Variants in SLC30A9 observed in about 807,000 individuals in gnomAD.
SLC30A9 encodes the protein proton-coupled zinc antiporter SLC30A9, mitochondrial.
SLC30A9 carries 58 observed loss-of-function variants against 87.5 expected under a neutral mutation model. The observed-to-expected ratio is 0.66, with a 90% CI of 0.54 to 0.82. SLC30A9 has a LOEUF of 0.82. Among genes scored for constraint, SLC30A9 ranks in the 40% least tolerant of loss-of-function variants. The pLI is 0.00. For missense variants in SLC30A9, 557 were observed against 679.1 expected (o/e 0.82, Z 2.00); for synonymous variants, 234 against 233.0 (o/e 1.00, Z -0.04).
Position 42,067,138 on chromosome 4 carries a change from G to A in SLC30A9, c.1198G>A (p.Ala400Thr), listed in dbSNP as rs1718111233. The change falls in exon 14 of 18, where the codon GCA (alanine) becomes ACA (threonine). Residue 400 changes from alanine to threonine, a missense_variant. Around this residue, in one of 2 missense-constraint regions of SLC30A9, gnomAD observed 467 missense variants for 529.8 expected, o/e 0.88. Transcript: ENST00000264451. Reference sequence around the variant, plus strand: ...TGTGATATTATTGGAGGATACTGCTGCAGTCTTGGGAGTTATAATAGCAGC... The same window carrying A: ...TGTGATATTATTGGAGGATACTGCTACAGTCTTGGGAGTTATAATAGCAGC... ...TNVILLEDTAAVLGVIIAATC... is the reference protein window; with the variant it reads ...TNVILLEDTATVLGVIIAATC... The A allele has an allele frequency of 6.2e-7, 1 of 1,612,874 alleles. No individual in the cohort carries two copies. The highest frequency in any genetic ancestry group is 8.5e-7 in the Non-Finnish European group (1 of 1,179,088).
rs181850203 is a variant in SLC30A9, at chr4:42,047,879, A to G, written c.738-1498A>G. Among the ~76,000 whole-genome samples the G allele has an allele frequency of 4.5e-3, 678 of 152,334 alleles. 1 individual carries two copies. Among genetic ancestry groups the G allele is most frequent in the Middle Eastern group, 0.017 (5 of 294 alleles). On this transcript the variant is annotated intron_variant, in intron 8 of 17. Coordinates refer to ENST00000264451, the MANE Select transcript of SLC30A9 (RefSeq NM_006345.4). Reference sequence around the variant, plus strand: ...AAAGAAAATGTGGCACATATACACCATGGGATAATATGCAGCCATAAAAAA... The same window carrying G: ...AAAGAAAATGTGGCACATATACACCGTGGGATAATATGCAGCCATAAAAAA...
At chr4:42,010,341 G>A (rs905296767) in intron 2 of SLC30A9, among the ~76,000 whole-genome samples, 13 of 152,114 alleles carry the variant, frequency 8.5e-5, no homozygotes, top group Non-Finnish European at 1.6e-4. Context: ...TCCAGGTGTG[G>A]TGGCATGTGC....
At chr4:42,070,843 T>G (rs6823291) in intron 15 of SLC30A9, 152 bp downstream of exon 15, 509,673 of 521,984 alleles carry the variant, frequency 0.98, 248,887 homozygotes, top group East Asian at 0.99. Context: ...ATCCTGGAAG[T>G]AAGAAAGAAT....
Position 42,001,662 on chromosome 4 carries a change from C to T in SLC30A9, c.156C>T (p.Pro52=). The T allele has an allele frequency of 4.4e-6, 7 of 1,605,858 alleles. No individual in the cohort carries two copies. The highest frequency in any genetic ancestry group is 6.0e-6 in the Non-Finnish European group (7 of 1,173,502). Residue 52 remains proline, a synonymous_variant, in exon 2 of 18, where the codon CCC becomes CCT. Transcript: ENST00000264451. ...TTGGAAGCTTTTCAAACATGGTTCC[C>T]TGTAGTCATCCATATATTGGTACCC... ...VTFGSFSNMV[P]CSHPYIGTLS...
intron 7 of SLC30A9, among the ~76,000 whole-genome samples, chr4:42,037,273 T>G (rs1001474579): frequency 1.9e-5 from 2 of 103,748 alleles, no homozygotes; most frequent in Non-Finnish European, 3.8e-5. Context: ...TTTTTTTTTT[T>G]GTTATTTCTG....
chr4:42,043,681 A>G (rs1039342000), intron 8 of SLC30A9, among the ~76,000 whole-genome samples: 2 of 152,206 alleles, frequency 1.3e-5, no homozygotes, highest in Non-Finnish European at 2.9e-5. Context: ...CCAACCTAGC[A>G]AGACAGGCTA....
At chr4:41,990,841 A>G (rs930569075) in intron 1 of SLC30A9, 81 bp downstream of exon 1, 17 of 1,000,708 alleles carry the variant, frequency 1.7e-5, no homozygotes, top group African/African-American at 9.6e-5. Flanking sequence ...GCCTGGGGCA[A>G]TTCGCCCACT....
In SLC30A9 at chr4:42,017,359, CCTTT is replaced by C. The variant is rs1167885278; in HGVS notation, c.275-747_275-744del. On this transcript the variant is annotated intron_variant, in intron 2 of 17. Coordinates refer to ENST00000264451, the MANE Select transcript of SLC30A9 (RefSeq NM_006345.4). The stretch of plus-strand genomic sequence containing the variant: ...GGAAATATCTTCTCTCAGTTTGCGG[CCTTT>C]CTTTTTTCTCTGTTTTTTTTTTTTT... Among the ~76,000 whole-genome samples, 6 of 119,702 alleles carry C rather than the reference CCTTT, an allele frequency of 5.0e-5. No individual in the cohort carries two copies. In the South Asian group the frequency reaches 1.6e-3, roughly 32 times the overall value. 78.5% of individuals were successfully genotyped at this position (119,702 alleles called of 152,430 possible). A position where few individuals can be genotyped will look rare whatever the true frequency, so the allele number is the denominator to read the frequency against.
In SLC30A9 at chr4:42,036,970, C is replaced by T. The variant is rs77897885; in HGVS notation, c.669+1637C>T. Among the ~76,000 whole-genome samples, 873 of 152,282 alleles carry T rather than the reference C, an allele frequency of 5.7e-3. 3 individuals are homozygous for T. The highest frequency in any genetic ancestry group is 0.02 in the African/African-American group (836 of 41,566). ...TGTTTCACATGGAGAATCATCCTCA[C>T]CAGATTTTCTAATAGTAGCTGTTGA... On this transcript the variant is annotated intron_variant, in intron 7 of 17. Coordinates refer to ENST00000264451, the MANE Select transcript of SLC30A9 (RefSeq NM_006345.4).
At chr4:42,031,089 T>C (rs1243171407) in intron 6 of SLC30A9, among the ~76,000 whole-genome samples, 1 of 152,212 alleles carries the variant, frequency 6.6e-6, no homozygotes, top group African/African-American at 2.4e-5. Context: ...AGTCACTTGT[T>C]TGAAAATAAA....
At chr4:42,068,672 G>C (rs1718187205) in intron 14 of SLC30A9, among the ~76,000 whole-genome samples, 1 of 152,172 alleles carries the variant, frequency 6.6e-6, no homozygotes, top group Non-Finnish European at 1.5e-5. Flanking sequence ...CGTATATTGT[G>C]GCTCTTGTTC....
intron 2 of SLC30A9, among the ~76,000 whole-genome samples, chr4:42,009,369 A>G (rs1010340487): frequency 6.6e-6 from 1 of 152,228 alleles, no homozygotes; most frequent in Non-Finnish European, 1.5e-5. Flanking sequence ...GAATAATTCA[A>G]ATCACATGAT....
intron 3 of SLC30A9, among the ~76,000 whole-genome samples, chr4:42,019,804 TA>T (rs1184447600): frequency 9.2e-5 from 14 of 152,216 alleles, no homozygotes; most frequent in Middle Eastern, 3.4e-3. Flanking sequence ...ATTTATTTAT[TA>T]TTTTTTTTGG....
rs1167254088 is a variant in SLC30A9, at chr4:42,030,137, T to C, written c.611-5138T>C. On this transcript the variant is annotated intron_variant, in intron 6 of 17. Coordinates refer to ENST00000264451, the MANE Select transcript of SLC30A9 (RefSeq NM_006345.4). ...GTTAAGAGCTGATCACAAGCACAAA[T>C]CTTTCCCGCTAGCCATTTAATAAGT... is the stretch of plus-strand genomic sequence containing the variant. The C allele has an allele frequency of 1.6e-5, 14 of 885,082 alleles. No individual in the cohort carries two copies. The Admixed American group carries it at 4.2e-4, about 27-fold the overall frequency. The allele number at this position is 885,082 out of a possible 1,614,324, so 54.8% of individuals were successfully genotyped here. A position where few individuals can be genotyped will look rare whatever the true frequency, so the allele number is the denominator to read the frequency against.
intron 8 of SLC30A9, among the ~76,000 whole-genome samples, chr4:42,047,335 A>G (rs545630903): frequency 6.6e-6 from 1 of 152,366 alleles, no homozygotes; most frequent in Non-Finnish European, 1.5e-5. Flanking sequence ...TATCCATCTG[A>G]CAAAGGGCTA....
chr4:42,012,794 A>G (rs1378940514), intron 2 of SLC30A9, among the ~76,000 whole-genome samples: 1 of 152,044 alleles, frequency 6.6e-6, no homozygotes, highest in Non-Finnish European at 1.5e-5. Flanking sequence ...AACAAAAAAA[A>G]CTATTAAAGC....
At chr4:42,085,864 G>T (rs1264761442) in intron 17 of SLC30A9, among the ~76,000 whole-genome samples, 2 of 151,296 alleles carry the variant, frequency 1.3e-5, no homozygotes, top group African/African-American at 4.8e-5. Context: ...ACAAACACAT[G>T]AACAAACTTA....
At chr4:42,051,359 A>T (rs376964610) in intron 9 of SLC30A9, among the ~76,000 whole-genome samples, 54 of 152,316 alleles carry the variant, frequency 3.5e-4, no homozygotes, top group African/African-American at 1.2e-3. Context: ...TAACATTCAC[A>T]GTGTTTAGCA....
intron 10 of SLC30A9, among the ~76,000 whole-genome samples, chr4:42,062,000 G>A (rs1717874255): frequency 6.6e-6 from 1 of 152,020 alleles, no homozygotes; most frequent in Admixed American, 6.6e-5. Flanking sequence ...TTCGAGACCA[G>A]CCTGACCAAC....
Sources: allele counts gnomAD v4.1 joint callset (sites outside exome capture counted in the v4.1 genomes callset), GRCh38; gene constraint gnomAD v4.1.1; regional missense constraint gnomAD v4.1.1; transcripts MANE v1.5; gene names NCBI Gene and HGNC (gene_info 2026-07-23, HGNC 2026-07-21).